Variants in BCL2 observed in about 807,000 individuals in gnomAD.
The protein encoded by BCL2 is apoptosis regulator Bcl-2.
A neutral mutation model predicts 14.2 loss-of-function variants in BCL2; 1 was observed. The ratio of observed to expected loss-of-function variants is 0.07; its 90% confidence interval spans 0.02 to 0.33. The LOEUF is 0.33. BCL2 is among the 10% of genes least tolerant of loss of function. The probability of loss-of-function intolerance (pLI) is 0.99; values close to 1 mark genes in which losing one functional copy is unlikely to be tolerated. For missense variants in BCL2, 247 were observed against 305.9 expected, an observed-to-expected ratio of 0.81 and a Z score of 1.44; for synonymous variants, 151 against 137.2, an observed-to-expected ratio of 1.10 and a Z score of -0.70.
At chr18:63,292,222 C>CAAAAAAA (rs749093257) in intron 2 of BCL2, among the ~76,000 whole-genome samples, 1 of 56,458 alleles carries the variant, frequency 1.8e-5, no homozygotes, top group African/African-American at 5.7e-5. Flanking sequence ...AACCCCAGTG[C>CAAAAAAA]AAAAAAAAAA....
intron 2 of BCL2, among the ~76,000 whole-genome samples, chr18:63,168,003 C>T (rs534275905): frequency 6.7e-6 from 1 of 149,738 alleles, no homozygotes; most frequent in Admixed American, 6.6e-5. Flanking sequence ...TTTGTGGCTG[C>T]AGTGACCTAT....
chr18:63,193,126 G>A (rs1265062156), intron 2 of BCL2, among the ~76,000 whole-genome samples: 2 of 152,164 alleles, frequency 1.3e-5, no homozygotes, highest in East Asian at 3.9e-4. Flanking sequence ...TCATCAAATT[G>A]CTAATCTGGG....
chr18:63,316,971 T>C (rs895249101), intron 2 of BCL2: 1 of 152,178 alleles, frequency 6.6e-6, no homozygotes, highest in Non-Finnish European at 1.5e-5. Context: ...AATTACTTTT[T>C]CATAAATTCA....
At chr18:63,256,584 C>G (rs764198571) in intron 2 of BCL2, among the ~76,000 whole-genome samples, 10 of 152,164 alleles carry the variant, frequency 6.6e-5, no homozygotes, top group Non-Finnish European at 1.3e-4. Flanking sequence ...ATAAAGGTGA[C>G]AGATCTGTAT....
chr18:63,308,468 G>A (rs543714301), intron 2 of BCL2, among the ~76,000 whole-genome samples: 1 of 152,278 alleles, frequency 6.6e-6, no homozygotes, highest in Admixed American at 6.5e-5. Context: ...CTTGAGATGT[G>A]AAACAAAAGG....
chr18:63,282,166 A>G (rs559406006), intron 2 of BCL2, among the ~76,000 whole-genome samples: 2 of 152,350 alleles, frequency 1.3e-5, no homozygotes, highest in Admixed American at 6.5e-5. Context: ...TTAAAAGGGC[A>G]TAAATGTTAC....
chr18:63,173,063 A>G (rs1915264367), intron 2 of BCL2, among the ~76,000 whole-genome samples: 1 of 152,274 alleles, frequency 6.6e-6, no homozygotes, highest in African/African-American at 2.4e-5. Context: ...CAAAACCACA[A>G]AAAGTTTAGC....
intron 2 of BCL2, among the ~76,000 whole-genome samples, chr18:63,239,525 T>C (rs574624576): frequency 1.3e-3 from 193 of 152,318 alleles, no homozygotes; most frequent in African/African-American, 4.3e-3. Flanking sequence ...GCGGATCACC[T>C]GAGGTCAGGA....
intron 2 of BCL2, chr18:63,315,439 T>G (rs534525110): frequency 1.3e-5 from 2 of 152,312 alleles, no homozygotes; most frequent in Non-Finnish European, 2.9e-5. Context: ...TTATCCATGT[T>G]ATGGAACACA....
intron 2 of BCL2, among the ~76,000 whole-genome samples, chr18:63,284,487 G>A (rs554627948): frequency 5.3e-5 from 8 of 152,310 alleles, no homozygotes; most frequent in Non-Finnish European, 1.2e-4. Context: ...TTGCACCAAA[G>A]GTAGAGAGAC....
At chr18:63,226,510 A>G (rs963881178) in intron 2 of BCL2, among the ~76,000 whole-genome samples, 1 of 152,220 alleles carries the variant, frequency 6.6e-6, no homozygotes, top group Non-Finnish European at 1.5e-5. Flanking sequence ...TAATATAGCC[A>G]TAACATGGAA....
At chr18:63,194,164 T>G (rs146574765) in intron 2 of BCL2, among the ~76,000 whole-genome samples, 115 of 152,326 alleles carry the variant, frequency 7.5e-4, no homozygotes, top group African/African-American at 2.4e-3. Context: ...ATTTGTTTGA[T>G]GCTGAAGCAG....
chr18:63,266,559 T>A (rs554510050), intron 2 of BCL2, among the ~76,000 whole-genome samples: 92 of 151,170 alleles, frequency 6.1e-4, no homozygotes, highest in Middle Eastern at 3.4e-3. Flanking sequence ...ATTTATTATA[T>A]ATTAAATATA....
At chr18:63,199,649 G>A (rs1251393691) in intron 2 of BCL2, among the ~76,000 whole-genome samples, 4 of 151,004 alleles carry the variant, frequency 2.6e-5, no homozygotes, top group Admixed American at 2.6e-4. Flanking sequence ...ACACATACAC[G>A]CAGACACATG....
At chr18:63,297,185 C>A (rs1912822473) in intron 2 of BCL2, among the ~76,000 whole-genome samples, 1 of 151,836 alleles carries the variant, frequency 6.6e-6, no homozygotes, top group Non-Finnish European at 1.5e-5. Context: ...TGCACTCCAG[C>A]CTGGGCGACA....
chr18:63,306,416 T>A (rs1003429022), intron 2 of BCL2, among the ~76,000 whole-genome samples: 1 of 152,224 alleles, frequency 6.6e-6, no homozygotes, highest in Non-Finnish European at 1.5e-5. Flanking sequence ...GGGTGACGTA[T>A]CTGAAACAAA....
Position 63,288,934 on chromosome 18 carries a change from A to C in BCL2, c.585+29148T>G, listed in dbSNP as rs149085595. ...TTGTTTTGCTTGCTGATAAACCTAC[A>C]TGCGTAGCACAGTGCCTGGCACATA... is the stretch of plus-strand genomic sequence containing the variant. On this transcript the variant is annotated intron_variant, in intron 2 of 2. Transcript: ENST00000333681. 3.2e-3 allele frequency among the ~76,000 whole-genome samples: 483 copies of C among 152,342 alleles called. 4 individuals are homozygous for C. Among genetic ancestry groups the C allele is most frequent in the African/African-American group, 0.011 (470 of 41,580 alleles).
chr18:63,208,341 AC>A (rs1376595754), intron 2 of BCL2, among the ~76,000 whole-genome samples: 15 of 121,642 alleles, frequency 1.2e-4, no homozygotes, highest in Non-Finnish European at 2.5e-4. Flanking sequence ...TGTACCCCCC[AC>A]CCCCGCCCAC....
intron 2 of BCL2, among the ~76,000 whole-genome samples, chr18:63,146,137 G>A (rs539835026): frequency 2.6e-5 from 4 of 151,994 alleles, no homozygotes; most frequent in Non-Finnish European, 5.9e-5. Context: ...CCTCAGCTCC[G>A]ATCCCCACAA....
Sources: gnomAD v4.1 joint callset for allele counts (sites outside exome capture counted in the v4.1 genomes callset) on GRCh38, gnomAD v4.1.1 for gene constraint, MANE v1.5 for transcripts, NCBI Gene and HGNC (gene_info 2026-07-23, HGNC 2026-07-21) for gene names.